Variants in ATP8A1 observed in about 807,000 individuals in gnomAD.
The protein encoded by ATP8A1 is phospholipid-transporting ATPase IA.
A neutral mutation model predicts 177.7 loss-of-function variants in ATP8A1; 90 were observed. That is an observed-to-expected ratio of 0.51 (90% CI 0.43 to 0.60). The LOEUF (loss-of-function observed/expected upper bound fraction) is 0.60. Ranked by LOEUF, ATP8A1 falls within the 20% of genes least tolerant of loss-of-function variation. ATP8A1 has a pLI of 0.00. For missense variants in ATP8A1, 1,072 were observed against 1,392.8 expected, an observed-to-expected ratio of 0.77 and a Z score of 3.67; for synonymous variants, 493 against 485.9, an observed-to-expected ratio of 1.01 and a Z score of -0.19.
At chr4:42,572,394 A>T (rs1003003248) in intron 14 of ATP8A1, among the ~76,000 whole-genome samples, 39 of 152,290 alleles carry the variant, frequency 2.6e-4, no homozygotes, top group African/African-American at 8.4e-4. Flanking sequence ...ACATCTAACC[A>T]TGGAGACTGG....
At chr4:42,596,057 A>T (rs1227092837) in intron 6 of ATP8A1, among the ~76,000 whole-genome samples, 1 of 152,218 alleles carries the variant, frequency 6.6e-6, no homozygotes, top group East Asian at 1.9e-4. Flanking sequence ...GTTTAAGATC[A>T]ATTTCTCAAA....
intron 35 of ATP8A1, among the ~76,000 whole-genome samples, chr4:42,419,810 T>C (rs570665959): frequency 5.9e-5 from 9 of 152,228 alleles, no homozygotes; most frequent in African/African-American, 2.2e-4. Context: ...GAGACCAGTC[T>C]GGCCAACATA....
At chr4:42,638,636 CAA>C (rs1387953591) in intron 1 of ATP8A1, among the ~76,000 whole-genome samples, 2 of 152,222 alleles carry the variant, frequency 1.3e-5, no homozygotes, top group Admixed American at 6.5e-5. Flanking sequence ...GGAACCAGAA[CAA>C]TGAAAGACAG....
chr4:42,608,936 A>C (rs1736095637), intron 5 of ATP8A1, among the ~76,000 whole-genome samples: 1 of 152,210 alleles, frequency 6.6e-6, no homozygotes, highest in South Asian at 2.1e-4. Flanking sequence ...CAAAAGCCTC[A>C]GTGTGGCACA....
intron 33 of ATP8A1, among the ~76,000 whole-genome samples, chr4:42,440,204 C>T (rs200136925): frequency 2.0e-5 from 3 of 152,300 alleles, no homozygotes; most frequent in East Asian, 1.9e-4. Context: ...TGCTGCCCTC[C>T]GGGCCCCACA....
intron 1 of ATP8A1, among the ~76,000 whole-genome samples, chr4:42,636,045 T>A (rs1739303216): frequency 6.8e-6 from 1 of 147,326 alleles, no homozygotes. Flanking sequence ...AAGAGGGGCA[T>A]GGTAACTTGA....
At chr4:42,496,209 A>G (rs1440296339) in intron 24 of ATP8A1, among the ~76,000 whole-genome samples, 1 of 152,192 alleles carries the variant, frequency 6.6e-6, no homozygotes, top group Non-Finnish European at 1.5e-5. Context: ...GTGTTTCAGC[A>G]CGGGGGTGGG....
At position 42,459,640 on chromosome 4, in the gene ATP8A1, G is replaced by C. The variant is rs1718872207; in HGVS notation, c.2620-4041C>G. 3.9e-5 allele frequency: 7 copies of C among 179,208 alleles called. No homozygotes were observed. In the South Asian group the frequency reaches 7.0e-4, roughly 18 times the overall value. 11.1% of individuals were successfully genotyped at this position (179,208 alleles called of 1,614,324 possible). The stretch of plus-strand genomic sequence containing the variant: ...ACTACACATTTATATAAACAACAAA[G>C]AATATTTTTTTGAATCTTATAAACT... On this transcript the variant is annotated intron_variant, in intron 27 of 36. Transcript: ENST00000381668.
At chr4:42,589,617 T>A (rs1320061995) in intron 7 of ATP8A1, among the ~76,000 whole-genome samples, 1 of 152,216 alleles carries the variant, frequency 6.6e-6, no homozygotes, top group Non-Finnish European at 1.5e-5. Context: ...AGTCCTTCAA[T>A]ATTTATATTT....
At chr4:42,523,856 T>G (rs1319645281) in intron 21 of ATP8A1, among the ~76,000 whole-genome samples, 2 of 152,244 alleles carry the variant, frequency 1.3e-5, no homozygotes, top group Admixed American at 1.3e-4. Context: ...CAGAGGTTTT[T>G]CAAAAGCCAT....
rs973593866 is a variant in ATP8A1 at position 42,455,175 on chromosome 4, C to T, written c.2817+122G>A. The T allele has an allele frequency of 6.6e-5, 83 of 1,252,362 alleles. No individual in the cohort carries two copies. In the Middle Eastern group the frequency reaches 1.0e-3, roughly 16 times the overall value. The allele number at this position is 1,252,362 out of a possible 1,614,324, so 77.6% of individuals were successfully genotyped here. Reference sequence around the variant, plus strand: ...CTTAAGAAATATGACTTGCCATAGTCGGTACCCTGGAGTTGTCTCAGGCTA... The same window carrying T: ...CTTAAGAAATATGACTTGCCATAGTTGGTACCCTGGAGTTGTCTCAGGCTA... On this transcript the variant is annotated intron_variant, in intron 29 of 36. Coordinates refer to ENST00000381668, the MANE Select transcript of ATP8A1 (RefSeq NM_006095.2).
At chr4:42,576,725 GTTA>G (rs1732499862) in intron 12 of ATP8A1, among the ~76,000 whole-genome samples, 1 of 152,052 alleles carries the variant, frequency 6.6e-6, no homozygotes, top group Non-Finnish European at 1.5e-5. Context: ...TCTGAAATAG[GTTA>G]TTGAGTTTTA....
chr4:42,508,778 T>G (rs1724705490), intron 22 of ATP8A1, among the ~76,000 whole-genome samples: 2 of 152,198 alleles, frequency 1.3e-5, no homozygotes, highest in Non-Finnish European at 2.9e-5. Context: ...TGCCTTCATT[T>G]TTTTTCCATT....
At position 42,411,143 on chromosome 4, in the gene ATP8A1, GAAGTA is replaced by G. The variant is rs1335258310; in HGVS notation, c.*1768_*1772del. 1 of 152,158 alleles carries G rather than the reference GAAGTA, an allele frequency of 6.6e-6. No individual in the cohort carries two copies. 9.4% of individuals were successfully genotyped at this position (152,158 alleles called of 1,614,324 possible). On this transcript the variant is annotated 3_prime_UTR_variant, in exon 37 of 37. Coordinates refer to ENST00000381668, the MANE Select transcript of ATP8A1 (RefSeq NM_006095.2). ...TGTACCCCAAACAGGAAGGGCTTGG[GAAGTA>G]AAGTATGTAAACGTGTGTTCCCTTA...
chr4:42,563,019 T>C (rs1474663872), intron 15 of ATP8A1, among the ~76,000 whole-genome samples: 5 of 152,214 alleles, frequency 3.3e-5, no homozygotes, highest in Non-Finnish European at 7.3e-5. Flanking sequence ...GCTGAAAAGA[T>C]ACCCGAAAAT....
At chr4:42,558,968 G>C (rs1730533929) in intron 15 of ATP8A1, among the ~76,000 whole-genome samples, 1 of 152,202 alleles carries the variant, frequency 6.6e-6, no homozygotes, top group Non-Finnish European at 1.5e-5. Flanking sequence ...TTGAGGCCAG[G>C]AGTTTGAAAC....
rs929292332 is a variant in ATP8A1 at position 42,446,468 on chromosome 4, G to A, written c.2958+115C>T. The A allele has an allele frequency of 1.3e-5, 14 of 1,059,690 alleles. No individual in the cohort carries two copies. The African/African-American group carries it at 1.6e-4, about 12-fold the overall frequency. 65.6% of individuals were successfully genotyped at this position (1,059,690 alleles called of 1,614,324 possible). On this transcript the variant is annotated intron_variant, in intron 31 of 36. Transcript: ENST00000381668. ...TCTTACTTAATTTTTAAAGGGAACC[G>A]TAAACAACCCTTAAATCCAGAAACA...
At chr4:42,563,601 T>A (rs1210639138) in intron 15 of ATP8A1, among the ~76,000 whole-genome samples, 1 of 152,144 alleles carries the variant, frequency 6.6e-6, no homozygotes, top group Non-Finnish European at 1.5e-5. Context: ...GCCCCTCCCA[T>A]CACAGGTCCA....
At chr4:42,592,890 T>C (rs919510784) in intron 6 of ATP8A1, among the ~76,000 whole-genome samples, 4 of 152,158 alleles carry the variant, frequency 2.6e-5, no homozygotes, top group African/African-American at 7.2e-5. Flanking sequence ...TGTTTCGTAA[T>C]TGACCAAAAT....
Sources: allele counts gnomAD v4.1 joint callset (sites outside exome capture counted in the v4.1 genomes callset), GRCh38; gene constraint gnomAD v4.1.1; transcripts MANE v1.5; gene names NCBI Gene and HGNC (gene_info 2026-07-23, HGNC 2026-07-21).